Variants in RBL2 observed in about 807,000 individuals in gnomAD.
RBL2 encodes the protein retinoblastoma-like protein 2.
Under a neutral mutation model 126.0 loss-of-function variants are expected in RBL2, and 56 were observed. That is an observed-to-expected ratio of 0.44 (90% CI 0.36 to 0.56). The LOEUF (loss-of-function observed/expected upper bound fraction) is 0.56, where lower values mean the gene tolerates loss of function less well. Ranked by LOEUF, RBL2 falls within the 20% of genes least tolerant of loss-of-function variation. RBL2 has a pLI of 0.00. For missense variants in RBL2, 1,229 were observed against 1,398.2 expected (o/e 0.88, Z 1.93); for synonymous variants, 454 against 478.5 (o/e 0.95, Z 0.67).
chr16:53,443,121 T>C (rs2058031473), intron 3 of RBL2: 1 of 187,996 alleles, frequency 5.3e-6, no homozygotes, highest in Non-Finnish European at 1.1e-5. Context: ...TTATTATTTT[T>C]TCCTCAGTGA....
intron 12 of RBL2, chr16:53,464,657 G>A (rs889861409): frequency 1.1e-4 from 25 of 229,616 alleles, no homozygotes; most frequent in African/African-American, 4.7e-4. Flanking sequence ...TAGCACACAT[G>A]TCACTAGCTA....
chr16:53,467,107 G>T lies in RBL2; in HGVS notation c.1913G>T (p.Gly638Val), dbSNP rs1475760641. 2 of 1,613,980 alleles carry T rather than the reference G, an allele frequency of 1.2e-6. No homozygotes were observed. Among genetic ancestry groups the T allele is most frequent in the South Asian group, 1.1e-5 (1 of 91,076 alleles). Residue 638 changes from glycine (G) to valine (V), a missense_variant, in exon 14 of 22, where the codon GGC becomes GTC. By Grantham distance (109) the Gly-to-Val change is moderately radical (BLOSUM62 -3). Transcript: ENST00000262133. ...AGGGCAGATGAAATTTGCATTGCTGGCTCCCCTTTGACTCCCAGAAGGGTG... is the reference window on the plus strand; with the variant it reads ...AGGGCAGATGAAATTTGCATTGCTGTCTCCCCTTTGACTCCCAGAAGGGTG... ...LERADEICIAGSPLTPRRVTE... is the reference protein window; with the variant it reads ...LERADEICIAVSPLTPRRVTE...
chr16:53,435,846 C>G, intron 1 of RBL2: 1 of 1,080,244 alleles, frequency 9.3e-7, no homozygotes, highest in Non-Finnish European at 1.2e-6. Context: ...TACTAGTTCC[C>G]TCTTTGAATT....
chr16:53,473,872 A>G (rs1598121622), intron 17 of RBL2, among the ~76,000 whole-genome samples: 1 of 151,922 alleles, frequency 6.6e-6, no homozygotes, highest in East Asian at 1.9e-4. Context: ...GATTTTGTCA[A>G]ATGCTTGTGT....
chr16:53,476,797 G>C (rs1227994398), intron 17 of RBL2, among the ~76,000 whole-genome samples: 1 of 152,120 alleles, frequency 6.6e-6, no homozygotes, highest in African/African-American at 2.4e-5. Context: ...TAGTCACCCA[G>C]CTTTCTTATG....
At chr16:53,458,627 G>C (rs1258317325) in intron 8 of RBL2, among the ~76,000 whole-genome samples, 1 of 152,170 alleles carries the variant, frequency 6.6e-6, no homozygotes, top group East Asian at 1.9e-4. Context: ...TAACGCTGCT[G>C]ATAAAGACAT....
rs1326638441 is a variant in RBL2, at chr16:53,442,214, A to G, written c.372-444A>G. ...GTAATCACAGTGTTCTAGGAAGCCA[A>G]AGTAGGAGGATCACTCAAGCCCAGG... On this transcript the variant is annotated intron_variant, in intron 2 of 21. Coordinates refer to ENST00000262133, the MANE Select transcript of RBL2 (RefSeq NM_005611.4). Among the ~76,000 whole-genome samples, 16 of 152,136 alleles carry G rather than the reference A, an allele frequency of 1.1e-4. No individual in the cohort carries two copies. In the East Asian group the frequency reaches 3.1e-3, roughly 29 times the overall value.
chr16:53,490,365 T>G lies in RBL2; in HGVS notation c.*65T>G. On this transcript the variant is annotated 3_prime_UTR_variant, in exon 22 of 22. Transcript: ENST00000262133. ...AGCAGCAGCCTTTAATGCATCTAGA[T>G]TATGGAGCTTTTTTCCTTAATCCAG... 1 of 1,375,100 alleles carries G rather than the reference T, an allele frequency of 7.3e-7. No homozygotes were observed. Among genetic ancestry groups the G allele is most frequent in the Non-Finnish European group, 9.8e-7 (1 of 1,021,588 alleles). 85.2% of individuals were successfully genotyped at this position (1,375,100 alleles called of 1,614,324 possible).
chr16:53,440,552 C>T (rs1242729298), intron 2 of RBL2, among the ~76,000 whole-genome samples: 6 of 152,062 alleles, frequency 3.9e-5, no homozygotes, highest in Non-Finnish European at 7.4e-5. Context: ...AGAAAGATAA[C>T]ATTTCATTCT....
intron 1 of RBL2, 99 bp from the exon 2 acceptor site, chr16:53,438,917 A>T (rs1431920668): frequency 1.2e-6 from 1 of 838,044 alleles, no homozygotes; most frequent in African/African-American, 1.8e-5. Context: ...TTTCCCACAA[A>T]AATATAAACA....
intron 3 of RBL2, among the ~76,000 whole-genome samples, chr16:53,445,485 T>C (rs1249195349): frequency 6.6e-6 from 1 of 152,204 alleles, no homozygotes; most frequent in Admixed American, 6.5e-5. Context: ...TCAATATGTA[T>C]TACTTCAGTT....
Position 53,480,846 on chromosome 16 carries a change from C to T in RBL2, c.3084+77C>T. ...AATCATTTATGATTTATATATGGAC[C>T]ATTCACCTGGTCCGTATATAAACTA... On this transcript the variant is annotated intron_variant, in intron 20 of 21. Coordinates refer to ENST00000262133, the MANE Select transcript of RBL2 (RefSeq NM_005611.4). 2.1e-6 allele frequency: 3 copies of T among 1,412,510 alleles called. No homozygotes were observed. The South Asian group carries it at 3.8e-5, about 18-fold the overall frequency. The allele number at this position is 1,412,510 out of a possible 1,614,324, so 87.5% of individuals were successfully genotyped here.
At chr16:53,459,927 G>A (rs1035084347) in intron 9 of RBL2, among the ~76,000 whole-genome samples, 11 of 151,772 alleles carry the variant, frequency 7.2e-5, no homozygotes, top group African/African-American at 2.7e-4. Context: ...TGGGGGCGGG[G>A]GGAAGCTCAG....
intron 21 of RBL2, among the ~76,000 whole-genome samples, chr16:53,484,875 A>G (rs1229718547): frequency 6.6e-6 from 1 of 152,230 alleles, no homozygotes; most frequent in Admixed American, 6.5e-5. Context: ...AGGTTATACC[A>G]TGCTACCACT....
chr16:53,434,739 G>T lies in RBL2; in HGVS notation c.183G>T (p.Ala61=). The T allele has an allele frequency of 6.5e-7, 1 of 1,544,686 alleles. No homozygotes were observed. Among genetic ancestry groups the T allele is most frequent in the East Asian group, 2.4e-5 (1 of 41,554 alleles). Residue 61 remains alanine (A), a synonymous_variant, in exon 1 of 22, where the codon GCG becomes GCT. Coordinates refer to ENST00000262133, the MANE Select transcript of RBL2 (RefSeq NM_005611.4). Reference sequence around the variant, plus strand: ...GCAGCCGCCTCAACATGGACGAGGCGGCGCGGGCCGAGGCCTGGGACAGCT... The same window carrying T: ...GCAGCCGCCTCAACATGGACGAGGCTGCGCGGGCCGAGGCCTGGGACAGCT... ...ELCSRLNMDE[A]ARAEAWDSYR... is the part of the protein sequence containing the mutation.
intron 14 of RBL2, among the ~76,000 whole-genome samples, chr16:53,467,881 T>G (rs1389317737): frequency 1.3e-5 from 2 of 152,216 alleles, no homozygotes; most frequent in African/African-American, 4.8e-5. Context: ...TTCTTAAAGA[T>G]AGAGCTGCAT....
Position 53,490,114 on chromosome 16 carries a change from C to A in RBL2, c.3250-16C>A. ...CATTTGCATTTTAAAATTTTTGTATCTTTTTCCCACCATAGAGACTGAGAG... is the reference window on the plus strand; with the variant it reads ...CATTTGCATTTTAAAATTTTTGTATATTTTTCCCACCATAGAGACTGAGAG... On this transcript the variant is annotated splice_polypyrimidine_tract_variant and intron_variant, in intron 21 of 21. Coordinates refer to ENST00000262133, the MANE Select transcript of RBL2 (RefSeq NM_005611.4). 4 of 1,525,606 alleles carry A rather than the reference C, an allele frequency of 2.6e-6. No homozygotes were observed. In the South Asian group the frequency reaches 3.9e-5, roughly 15 times the overall value. 94.5% of individuals were successfully genotyped at this position (1,525,606 alleles called of 1,614,324 possible).
chr16:53,438,357 C>A (rs565340671), intron 1 of RBL2, among the ~76,000 whole-genome samples: 1 of 152,106 alleles, frequency 6.6e-6, no homozygotes. Flanking sequence ...AGGCACATGT[C>A]CTAAGAGAGA....
chr16:53,434,712 G>A lies in RBL2; in HGVS notation c.156G>A (p.Leu52=), dbSNP rs750668775. The stretch of plus-strand genomic sequence containing the variant: ...AGATCCAGCAGCGGTTCGACGAGCT[G>A]TGCAGCCGCCTCAACATGGACGAGG... ...TPQIQQRFDE[L]CSRLNMDEAA... The change falls in exon 1 of 22, where the codon CTG becomes CTA. Residue 52 remains leucine (L), a synonymous_variant. Coordinates refer to ENST00000262133, the MANE Select transcript of RBL2 (RefSeq NM_005611.4). 79 of 1,560,972 alleles carry A rather than the reference G, an allele frequency of 5.1e-5. No homozygotes were observed. Among genetic ancestry groups the A allele is most frequent in the Admixed American group, 9.4e-5 (5 of 53,248 alleles).
Sources: gnomAD v4.1 joint callset for allele counts (sites outside exome capture counted in the v4.1 genomes callset) on GRCh38, gnomAD v4.1.1 for gene constraint, MANE v1.5 for transcripts, NCBI Gene and HGNC (gene_info 2026-07-23, HGNC 2026-07-21) for gene names.